The following SEMA6A variants were observed in gnomAD, a reference collection of about 807,000 sequenced individuals.
SEMA6A encodes the protein semaphorin 6A, also known as semaphorin-6A.
Under a neutral mutation model 96.8 loss-of-function variants are expected in SEMA6A, and 25 were observed. That is an observed-to-expected ratio of 0.26 (90% CI 0.19 to 0.36). The LOEUF is 0.36. SEMA6A is among the 10% of genes least tolerant of loss of function. The pLI is 1.00. For synonymous variants in SEMA6A, 612 were observed against 518.0 expected (o/e 1.18, Z -2.46); for missense variants, 1,363 against 1,323.1 (o/e 1.03, Z -0.47).
chr5:116,550,145 T>C (rs1248093109), intron 1 of SEMA6A: 1 of 152,224 alleles, frequency 6.6e-6, no homozygotes, highest in Non-Finnish European at 1.5e-5. Context: ...ATAAATGTTA[T>C]ACATATCCAT....
chr5:116,495,816 C>A (rs1757570245), intron 5 of SEMA6A: 1 of 371,976 alleles, frequency 2.7e-6, no homozygotes. Context: ...GCCAGATGCT[C>A]CAGCGTTCCC....
chr5:116,508,561 T>C (rs1335433795), intron 1 of SEMA6A, among the ~76,000 whole-genome samples: 1 of 152,084 alleles, frequency 6.6e-6, no homozygotes. Context: ...CCCTGGAAAA[T>C]TCTACGGGGG....
intron 1 of SEMA6A, among the ~76,000 whole-genome samples, chr5:116,568,213 T>C (rs2840113): frequency 0.22 from 33,256 of 152,236 alleles, 3,643 homozygotes; most frequent in Admixed American, 0.24. Flanking sequence ...ACAATGCGTG[T>C]AATATTTCAC....
intron 1 of SEMA6A, among the ~76,000 whole-genome samples, chr5:116,539,400 T>C (rs1030176383): frequency 3.3e-5 from 5 of 152,330 alleles, no homozygotes; most frequent in Admixed American, 1.3e-4. Context: ...ATTTTCCTTG[T>C]TTTGCAATCT....
At chr5:116,482,922 T>G (rs1055775422) in intron 10 of SEMA6A, among the ~76,000 whole-genome samples, 1 of 152,228 alleles carries the variant, frequency 6.6e-6, no homozygotes, top group African/African-American at 2.4e-5. Context: ...TAATGACCTC[T>G]CTGAAGTCTC....
chr5:116,448,332 G>A (rs1393308631), intron 18 of SEMA6A, among the ~76,000 whole-genome samples: 1 of 151,978 alleles, frequency 6.6e-6, no homozygotes, highest in African/African-American at 2.4e-5. Context: ...GTGACAGAGC[G>A]AGACTCCGTT....
intron 1 of SEMA6A, among the ~76,000 whole-genome samples, chr5:116,523,090 C>A (rs1759036040): frequency 6.6e-6 from 1 of 152,180 alleles, no homozygotes; most frequent in African/African-American, 2.4e-5. Flanking sequence ...TTTCTGGGAA[C>A]TGAGCTGCAC....
At chr5:116,451,747 T>C (rs77370400) in intron 18 of SEMA6A, among the ~76,000 whole-genome samples, 5,774 of 123,556 alleles carry the variant, frequency 0.047, 368 homozygotes, top group African/African-American at 0.14. Flanking sequence ...TTTGAAGTCA[T>C]GGAAATAAAT....
intron 1 of SEMA6A, among the ~76,000 whole-genome samples, chr5:116,512,058 AAATTTAAAGAAGT>A (rs1385226881): frequency 6.6e-6 from 1 of 152,194 alleles, no homozygotes; most frequent in Non-Finnish European, 1.5e-5. Context: ...CACCAGAGGA[AAATTTAAAGAAGT>A]AATGAGTGTT....
intron 1 of SEMA6A, among the ~76,000 whole-genome samples, chr5:116,526,644 G>A (rs990750027): frequency 1.3e-5 from 2 of 152,066 alleles, no homozygotes; most frequent in African/African-American, 4.8e-5. Context: ...TTTCCAAGGG[G>A]CTTATATTAC....
At chr5:116,563,303 T>G (rs1760892776) in intron 1 of SEMA6A, among the ~76,000 whole-genome samples, 1 of 152,166 alleles carries the variant, frequency 6.6e-6, no homozygotes, top group South Asian at 2.1e-4. Flanking sequence ...TCCTTTAAAA[T>G]TAGGAATGGT....
intron 12 of SEMA6A, among the ~76,000 whole-genome samples, 161 bp downstream of exon 12, chr5:116,479,961 G>T (rs976800586): frequency 2.6e-5 from 4 of 152,206 alleles, no homozygotes; most frequent in Non-Finnish European, 5.9e-5. Flanking sequence ...GTGTATAGGG[G>T]TTTAGTGGTA....
intron 6 of SEMA6A, 77 bp downstream of exon 6, chr5:116,495,336 G>A (rs1413992000): frequency 3.9e-6 from 4 of 1,034,210 alleles, no homozygotes; most frequent in Non-Finnish European, 5.9e-6. Flanking sequence ...ACCCCTCTTA[G>A]GTTGCTGCAG....
intron 1 of SEMA6A, among the ~76,000 whole-genome samples, chr5:116,554,498 TACAC>T (rs1272393132): frequency 2.6e-5 from 4 of 152,162 alleles, no homozygotes; most frequent in South Asian, 2.1e-4. Context: ...TAAAATAAAA[TACAC>T]ACATTTATTT....
chr5:116,573,809 C>A (rs1374544544), intron 1 of SEMA6A, among the ~76,000 whole-genome samples: 1 of 152,082 alleles, frequency 6.6e-6, no homozygotes, highest in Non-Finnish European at 1.5e-5. Context: ...TCCGAGAATC[C>A]CACCATTTAG....
chr5:116,557,250 CAG>C (rs767980604), intron 1 of SEMA6A, among the ~76,000 whole-genome samples: 7 of 152,328 alleles, frequency 4.6e-5, no homozygotes, highest in Non-Finnish European at 8.8e-5. Flanking sequence ...TTTTTTGAGA[CAG>C]AGTCTCATTC....
intron 18 of SEMA6A, among the ~76,000 whole-genome samples, chr5:116,459,687 C>T (rs1755251751): frequency 1.3e-5 from 2 of 152,140 alleles, no homozygotes; most frequent in African/African-American, 4.8e-5. Context: ...GTGTCCCCCA[C>T]TTGGAATTAG....
intron 1 of SEMA6A, chr5:116,562,666 C>T: frequency 1.4e-6 from 1 of 708,996 alleles, no homozygotes; most frequent in Non-Finnish European, 2.7e-6. Flanking sequence ...TCGTTGCACC[C>T]TTCAATGACA....
At chr5:116,515,430 C>T (rs746706064) in intron 1 of SEMA6A, among the ~76,000 whole-genome samples, 1 of 152,000 alleles carries the variant, frequency 6.6e-6, no homozygotes, top group Non-Finnish European at 1.5e-5. Flanking sequence ...GTTATTTTTG[C>T]GTTGCTCTCC....
Sources: gnomAD v4.1 joint callset for allele counts (sites outside exome capture counted in the v4.1 genomes callset) on GRCh38, gnomAD v4.1.1 for gene constraint, MANE v1.5 for transcripts, NCBI Gene and HGNC (gene_info 2026-07-23, HGNC 2026-07-21) for gene names.